CDKL4: variants seen among roughly 807,000 people sequenced by gnomAD.
The protein encoded by CDKL4 is cyclin dependent kinase like 4.
CDKL4 carries 44 observed loss-of-function variants against 42.0 expected under a neutral mutation model. That is an observed-to-expected ratio of 1.05 (90% CI 0.82 to 1.35). The LOEUF (loss-of-function observed/expected upper bound fraction) is 1.35. Ranked by LOEUF, CDKL4 falls within the 40% of genes most tolerant of loss-of-function variation. CDKL4 has a pLI of 0.00. For missense variants in CDKL4, 393 were observed against 369.9 expected, an observed-to-expected ratio of 1.06 and a Z score of -0.51; for synonymous variants, 120 against 121.6, an observed-to-expected ratio of 0.99 and a Z score of 0.09.
intron 1 of CDKL4, among the ~76,000 whole-genome samples, chr2:39,239,958 C>G (rs573503159): frequency 6.6e-6 from 1 of 150,914 alleles, no homozygotes; most frequent in Non-Finnish European, 1.5e-5. Flanking sequence ...GGCATGGTGG[C>G]GCACACTTGT....
At chr2:39,183,065 A>G (rs1675533899) in intron 8 of CDKL4, among the ~76,000 whole-genome samples, 1 of 152,194 alleles carries the variant, frequency 6.6e-6, no homozygotes, top group African/African-American at 2.4e-5. Flanking sequence ...GCGGATCATG[A>G]GGTCAGGAGA....
At chr2:39,203,071 C>G (rs1676953032) in intron 5 of CDKL4, among the ~76,000 whole-genome samples, 1 of 152,158 alleles carries the variant, frequency 6.6e-6, no homozygotes, top group African/African-American at 2.4e-5. Flanking sequence ...GTCAAAATTT[C>G]TGAGACAGAT....
chr2:39,234,764 G>A (rs1249939423), intron 1 of CDKL4, among the ~76,000 whole-genome samples: 3 of 152,038 alleles, frequency 2.0e-5, no homozygotes, highest in African/African-American at 7.2e-5. Context: ...CTTATCAAGA[G>A]CAATATACAT....
intron 2 of CDKL4, among the ~76,000 whole-genome samples, chr2:39,226,722 C>A (rs1026883294): frequency 1.3e-5 from 2 of 151,860 alleles, no homozygotes; most frequent in Admixed American, 6.6e-5. Flanking sequence ...CAAACCAGCA[C>A]ATATGGTCAC....
At chr2:39,243,113 C>CAAAAAAAAAAAAA (rs57132937) in intron 1 of CDKL4, among the ~76,000 whole-genome samples, 3 of 38,442 alleles carry the variant, frequency 7.8e-5, no homozygotes, top group Non-Finnish European at 7.9e-5. Context: ...GACCCTGTCT[C>CAAAAAAAAAAAAA]AAAAAAAAAA....
intron 8 of CDKL4, among the ~76,000 whole-genome samples, chr2:39,183,829 C>A (rs897294724): frequency 1.1e-4 from 16 of 152,094 alleles, no homozygotes; most frequent in African/African-American, 3.9e-4. Context: ...CTCTGACTCT[C>A]AGGAGGACTT....
intron 1 of CDKL4, among the ~76,000 whole-genome samples, chr2:39,236,321 A>G (rs1374838535): frequency 6.6e-6 from 1 of 152,208 alleles, no homozygotes; most frequent in East Asian, 1.9e-4. Flanking sequence ...GGCAAAATCA[A>G]TACTACCAAT....
chr2:39,246,736 C>T (rs985406617), upstream of CDKL4, among the ~76,000 whole-genome samples: 1 of 152,044 alleles, frequency 6.6e-6, no homozygotes, highest in Non-Finnish European at 1.5e-5. Flanking sequence ...GAATTAGGCA[C>T]AACCTCTTGT....
chr2:39,242,514 GTAGA>G (rs1266726382), intron 1 of CDKL4, among the ~76,000 whole-genome samples: 2 of 152,196 alleles, frequency 1.3e-5, no homozygotes, highest in East Asian at 3.9e-4. Flanking sequence ...ATCAAAAGAG[GTAGA>G]TAGATACTTG....
At chr2:39,173,883 T>A (rs185959047), downstream of CDKL4, among the ~76,000 whole-genome samples, 1 of 149,374 alleles carries the variant, frequency 6.7e-6, no homozygotes. Context: ...CTTGAGAGAC[T>A]GAGGCAGGAG....
At chr2:39,205,777 A>AAG (rs1553386234) in intron 4 of CDKL4, among the ~76,000 whole-genome samples, 8 of 149,460 alleles carry the variant, frequency 5.4e-5, no homozygotes, top group Non-Finnish European at 7.4e-5. Context: ...AAAAAAAAAA[A>AAG]AAAGAAAGAA....
At chr2:39,229,585 G>A in exon 2 of CDKL4, 1 of 1,407,952 alleles carries the variant, frequency 7.1e-7, no homozygotes, top group South Asian at 1.3e-5. Flanking sequence ...GTACAATGCT[G>A]CACCTGGAAA....
chr2:39,226,069 G>C, intron 2 of CDKL4, 109 bp from the exon 3 acceptor site: 1 of 1,118,156 alleles, frequency 8.9e-7, no homozygotes, highest in Non-Finnish European at 1.2e-6. Context: ...TTCATCCAAT[G>C]TACCTATAAT....
intron 1 of CDKL4, among the ~76,000 whole-genome samples, chr2:39,230,962 A>C (rs979292082): frequency 1.3e-5 from 2 of 152,138 alleles, no homozygotes; most frequent in Non-Finnish European, 2.9e-5. Flanking sequence ...GTAATCCCAG[A>C]ACTCTGGGAG....
intron 7 of CDKL4, among the ~76,000 whole-genome samples, chr2:39,185,279 T>G (rs183052490): frequency 2.2e-5 from 1 of 46,336 alleles, no homozygotes; most frequent in South Asian, 7.6e-4. Context: ...TATATACACA[T>G]ATGTATATAT....
chr2:39,174,147 G>A (rs757325672), downstream of CDKL4, among the ~76,000 whole-genome samples: 1 of 152,038 alleles, frequency 6.6e-6, no homozygotes, highest in African/African-American at 2.4e-5. Flanking sequence ...GCGCACTCCC[G>A]TAATCCCAGC....
the CDKL4 span, among the ~76,000 whole-genome samples, chr2:39,169,303 C>T: frequency 6.6e-6 from 1 of 152,148 alleles, no homozygotes; most frequent in African/African-American, 2.4e-5. Context: ...AGCTTCAAAA[C>T]CCATTTTCAT....
chr2:39,186,731 G>A (rs1256892969), intron 7 of CDKL4, among the ~76,000 whole-genome samples: 2 of 151,836 alleles, frequency 1.3e-5, no homozygotes, highest in Admixed American at 6.6e-5. Context: ...TTTACAAGCC[G>A]AAAAAATTTT....
intron 4 of CDKL4, among the ~76,000 whole-genome samples, chr2:39,205,964 C>T (rs1268543312): frequency 6.6e-6 from 1 of 152,096 alleles, no homozygotes; most frequent in Non-Finnish European, 1.5e-5. Context: ...CGATCAGCAA[C>T]ACTCCTGAGA....
Sources: gnomAD v4.1 joint callset for allele counts (sites outside exome capture counted in the v4.1 genomes callset) on GRCh38, gnomAD v4.1.1 for gene constraint, MANE v1.5 for transcripts, NCBI Gene and HGNC (gene_info 2026-07-23, HGNC 2026-07-21) for gene names.